The following RABGAP1L variants were observed in gnomAD, a reference collection of about 807,000 sequenced individuals.
RABGAP1L encodes rab GTPase-activating protein 1-like.
Under a neutral mutation model 137.7 loss-of-function variants are expected in RABGAP1L, and 63 were observed. That is an observed-to-expected ratio of 0.46 (90% CI 0.37 to 0.56). The LOEUF (loss-of-function observed/expected upper bound fraction) is 0.56. RABGAP1L is among the 20% of genes least tolerant of loss of function. The pLI, the probability that RABGAP1L is intolerant of heterozygous loss-of-function variation, is 0.00. For synonymous variants in RABGAP1L, 431 were observed against 433.7 expected, an observed-to-expected ratio of 0.99 and a Z score of 0.08; for missense variants, 1,095 against 1,244.0, an observed-to-expected ratio of 0.88 and a Z score of 1.80.
chr1:174,520,023 C>T (rs1663227002), intron 13 of RABGAP1L, among the ~76,000 whole-genome samples: 1 of 152,186 alleles, frequency 6.6e-6, no homozygotes, highest in African/African-American at 2.4e-5. Context: ...TCAGGCCTGG[C>T]ACCAGCGAAG....
chr1:174,251,320 G>T, intron 6 of RABGAP1L, among the ~76,000 whole-genome samples: 1 of 149,190 alleles, frequency 6.7e-6, no homozygotes, highest in Non-Finnish European at 1.5e-5. Flanking sequence ...GTTTTTAACA[G>T]TAACTGATAA....
chr1:174,426,728 A>G (rs1031911586), intron 13 of RABGAP1L, among the ~76,000 whole-genome samples: 1 of 152,116 alleles, frequency 6.6e-6, no homozygotes, highest in African/African-American at 2.4e-5. Flanking sequence ...TACCCAATTT[A>G]CCATCTTATT....
At chr1:174,684,375 G>A (rs1572800140) in intron 15 of RABGAP1L, among the ~76,000 whole-genome samples, 1 of 152,252 alleles carries the variant, frequency 6.6e-6, no homozygotes, top group South Asian at 2.1e-4. Context: ...ATTGACAAAA[G>A]TCACAATATG....
intron 19 of RABGAP1L, 94 bp from the exon 20 acceptor site, chr1:174,957,363 C>CT (rs1668640494): frequency 3.0e-6 from 3 of 994,302 alleles, no homozygotes; most frequent in Admixed American, 1.9e-5. Context: ...AGCATGTTCC[C>CT]TTAGAATGCC....
At chr1:174,543,014 C>T (rs907222354) in intron 13 of RABGAP1L, among the ~76,000 whole-genome samples, 4 of 152,084 alleles carry the variant, frequency 2.6e-5, no homozygotes, top group African/African-American at 7.2e-5. Context: ...TTGCTTCCAA[C>T]TATGTGGTCA....
chr1:174,853,968 C>G (rs1045384333), intron 19 of RABGAP1L, among the ~76,000 whole-genome samples: 7 of 152,190 alleles, frequency 4.6e-5, no homozygotes, highest in Middle Eastern at 3.2e-3. Context: ...CTGCATCTTA[C>G]AACAGATGTG....
rs769972480 is a variant in RABGAP1L, at chr1:174,831,519, T to C, written c.2340+19559T>C. 2.0e-5 allele frequency among the ~76,000 whole-genome samples: 3 copies of C among 148,382 alleles called. 1 individual carries two copies. The highest frequency in any genetic ancestry group is 3.0e-5 in the Non-Finnish European group (2 of 66,658). Reference sequence around the variant, plus strand: ...AACCAAACAAAAGCTTTCCATATAATATCAACCTAACTATTCAGTGTTTTG... The same window carrying C: ...AACCAAACAAAAGCTTTCCATATAACATCAACCTAACTATTCAGTGTTTTG... On this transcript the variant is annotated intron_variant, in intron 19 of 25. Coordinates refer to ENST00000681986, the MANE Select transcript of RABGAP1L (RefSeq NM_001366446.1).
At chr1:174,212,523 A>G (rs1456206840) in intron 1 of RABGAP1L, among the ~76,000 whole-genome samples, 1 of 152,096 alleles carries the variant, frequency 6.6e-6, no homozygotes, top group Admixed American at 6.6e-5. Context: ...ATACCAAAAC[A>G]TATATGATAC....
intron 19 of RABGAP1L, among the ~76,000 whole-genome samples, chr1:174,879,768 G>A (rs1653845592): frequency 6.6e-6 from 1 of 152,138 alleles, no homozygotes; most frequent in Non-Finnish European, 1.5e-5. Flanking sequence ...AAGCAAAACA[G>A]ATATAAAACT....
chr1:174,358,480 G>A (rs2148954670), intron 11 of RABGAP1L, among the ~76,000 whole-genome samples: 1 of 152,066 alleles, frequency 6.6e-6, no homozygotes, highest in East Asian at 1.9e-4. Context: ...AGGGTTTTTG[G>A]TTTATTTATC....
chr1:174,862,116 G>A (rs575167040), intron 19 of RABGAP1L, among the ~76,000 whole-genome samples: 1 of 152,112 alleles, frequency 6.6e-6, no homozygotes, highest in Non-Finnish European at 1.5e-5. Flanking sequence ...GTTAATGTTT[G>A]TTATGGTATA....
intron 13 of RABGAP1L, among the ~76,000 whole-genome samples, chr1:174,490,962 G>A (rs996839449): frequency 6.6e-6 from 1 of 152,100 alleles, no homozygotes; most frequent in African/African-American, 2.4e-5. Context: ...TCACCCTTCA[G>A]GGTGGTGGGC....
chr1:174,403,889 G>C (rs1476823993), intron 13 of RABGAP1L, among the ~76,000 whole-genome samples: 1 of 150,868 alleles, frequency 6.6e-6, no homozygotes, highest in African/African-American at 2.4e-5. Context: ...TTATTTTAGT[G>C]ATTATGCAAA....
rs1459504072 is a variant in RABGAP1L, at chr1:174,448,595, A to G, written c.1710+54450A>G. On this transcript the variant is annotated intron_variant, in intron 13 of 25. Transcript: ENST00000681986. The surrounding 1 kb of genome is among the most constrained non-coding windows in gnomAD (Gnocchi z 4.2). ...CACCCCTTGTCGCTTGAGAATTTGC[A>G]TTATTTTGATCTGGATCTACTCCTG... The G allele has an allele frequency of 2.5e-6, 4 of 1,613,894 alleles. No individual in the cohort carries two copies. Among genetic ancestry groups the G allele is most frequent in the African/African-American group, 2.7e-5 (2 of 74,888 alleles).
At chr1:174,311,701 G>T (rs982140685) in intron 11 of RABGAP1L, among the ~76,000 whole-genome samples, 1 of 152,124 alleles carries the variant, frequency 6.6e-6, no homozygotes, top group East Asian at 1.9e-4. Context: ...CCGCCTCTTG[G>T]GTTCAAGCGA....
intron 13 of RABGAP1L, among the ~76,000 whole-genome samples, chr1:174,589,491 G>A (rs567122323): frequency 6.6e-6 from 1 of 151,896 alleles, no homozygotes; most frequent in South Asian, 2.1e-4. Flanking sequence ...TTTTTTCTTT[G>A]GTTGCTTGTG....
At chr1:174,832,217 C>T (rs1460731893) in intron 19 of RABGAP1L, among the ~76,000 whole-genome samples, 2 of 145,790 alleles carry the variant, frequency 1.4e-5, no homozygotes, top group Non-Finnish European at 1.5e-5. Flanking sequence ...CGCTTGAACC[C>T]GGGAGGTGGA....
chr1:174,807,003 C>T (rs1351628693), intron 18 of RABGAP1L, among the ~76,000 whole-genome samples: 1 of 152,132 alleles, frequency 6.6e-6, no homozygotes, highest in Non-Finnish European at 1.5e-5. Context: ...CCAGGCTGGT[C>T]TCGAACTCCT....
intron 19 of RABGAP1L, among the ~76,000 whole-genome samples, chr1:174,910,164 A>G (rs1053404062): frequency 2.6e-5 from 4 of 152,140 alleles, no homozygotes; most frequent in Non-Finnish European, 5.9e-5. Context: ...CAAACAAGTA[A>G]TGAGATCAAA....
Sources: gnomAD v4.1 joint callset for allele counts (sites outside exome capture counted in the v4.1 genomes callset) on GRCh38, gnomAD v4.1.1 for gene constraint, Gnocchi (gnomAD v3.1) non-coding constraint, MANE v1.5 for transcripts, NCBI Gene and HGNC (gene_info 2026-07-23, HGNC 2026-07-21) for gene names.